The following LDLRAD4 variants were observed in gnomAD, a reference collection of about 807,000 sequenced individuals.
LDLRAD4 encodes low-density lipoprotein receptor class A domain-containing protein 4.
A neutral mutation model predicts 17.0 loss-of-function variants in LDLRAD4; 5 were observed. The ratio of observed to expected loss-of-function variants is 0.29; its 90% CI spans 0.15 to 0.62. The LOEUF (loss-of-function observed/expected upper bound fraction) is 0.62. Among genes scored for constraint, LDLRAD4 ranks in the 20% least tolerant of loss-of-function variants. The probability of loss-of-function intolerance (pLI) is 0.84; values close to 1 mark genes in which losing one functional copy is unlikely to be tolerated. For synonymous variants in LDLRAD4, 168 were observed against 171.8 expected (o/e 0.98, Z 0.17); for missense variants, 340 against 424.7 (o/e 0.80, Z 1.75).
At chr18:13,326,322 T>A (rs57143461) in intron 1 of LDLRAD4, among the ~76,000 whole-genome samples, 2,367 of 152,230 alleles carry the variant, frequency 0.016, 31 homozygotes, top group African/African-American at 0.043. Context: ...TGTGAGACTC[T>A]AGTTAGTGCC....
At chr18:13,648,947 A>T (rs1427622253) in exon 6 of LDLRAD4, 2 of 152,220 alleles carry the variant, frequency 1.3e-5, no homozygotes, top group Non-Finnish European at 2.9e-5. Flanking sequence ...GAAGCAAATT[A>T]TGTATTTCAA....
intron 3 of LDLRAD4, chr18:13,522,464 C>A (rs957535935): frequency 1.3e-5 from 2 of 151,986 alleles, no homozygotes; most frequent in African/African-American, 2.4e-5. Context: ...AAGGGCTAGT[C>A]TGCATATCTC....
intron 1 of LDLRAD4, among the ~76,000 whole-genome samples, chr18:13,246,854 G>A (rs757275928): frequency 8.5e-5 from 13 of 152,136 alleles, no homozygotes; most frequent in Non-Finnish European, 1.8e-4. Context: ...CAGCCCTGCA[G>A]GTAGATCATG....
chr18:13,274,486 G>C (rs1434541395), upstream of LDLRAD4, among the ~76,000 whole-genome samples: 1 of 152,234 alleles, frequency 6.6e-6, no homozygotes, highest in Non-Finnish European at 1.5e-5. Flanking sequence ...TCGTGTCATG[G>C]AACTGCTGTT....
chr18:13,243,839 T>C (rs969559880), intron 1 of LDLRAD4, among the ~76,000 whole-genome samples: 4 of 144,262 alleles, frequency 2.8e-5, no homozygotes, highest in Non-Finnish European at 6.0e-5. Context: ...CATCCATCTA[T>C]CCACCATGTA....
At chr18:13,361,582 C>T (rs1490120677) in intron 1 of LDLRAD4, among the ~76,000 whole-genome samples, 1 of 152,156 alleles carries the variant, frequency 6.6e-6, no homozygotes, top group Admixed American at 6.5e-5. Flanking sequence ...TGTTCTCTTC[C>T]TGGGCCTCTT....
intron 2 of LDLRAD4, among the ~76,000 whole-genome samples, chr18:13,410,393 G>A (rs1233056606): frequency 6.6e-6 from 1 of 152,240 alleles, no homozygotes; most frequent in Non-Finnish European, 1.5e-5. Flanking sequence ...CACTGCAGCT[G>A]TCAGATGTAA....
intron 1 of LDLRAD4, among the ~76,000 whole-genome samples, chr18:13,259,171 C>T (rs2043668004): frequency 6.6e-6 from 1 of 152,070 alleles, no homozygotes; most frequent in Non-Finnish European, 1.5e-5. Flanking sequence ...CTTCCTTCGT[C>T]CTCCTCTCCC....
At chr18:13,479,235 A>C (rs561986710) in intron 3 of LDLRAD4, among the ~76,000 whole-genome samples, 16 of 152,364 alleles carry the variant, frequency 1.1e-4, no homozygotes, top group African/African-American at 3.8e-4. Context: ...TTTTAGATAT[A>C]ATACAAAAGG....
At chr18:13,357,841 C>A (rs1485426766) in intron 1 of LDLRAD4, among the ~76,000 whole-genome samples, 1 of 152,064 alleles carries the variant, frequency 6.6e-6, no homozygotes, top group Non-Finnish European at 1.5e-5. Flanking sequence ...CTTTTAGTTA[C>A]CAAGTTTCCC....
chr18:13,559,371 G>A (rs1045995546), intron 3 of LDLRAD4, among the ~76,000 whole-genome samples: 3 of 152,124 alleles, frequency 2.0e-5, no homozygotes, highest in Admixed American at 6.6e-5. Flanking sequence ...TGGCATTCAT[G>A]GAAAAGGTCT....
chr18:13,419,289 C>T (rs1015690715), intron 2 of LDLRAD4: 1 of 152,090 alleles, frequency 6.6e-6, no homozygotes, highest in Non-Finnish European at 1.5e-5. Flanking sequence ...CATATTGTGC[C>T]ATATAAATGA....
upstream of LDLRAD4, among the ~76,000 whole-genome samples, chr18:13,273,944 T>G (rs2044708183): frequency 1.3e-5 from 2 of 152,000 alleles, no homozygotes; most frequent in Admixed American, 6.5e-5. Context: ...AGGAGGTGGT[T>G]TAGGGTTAGT....
intron 3 of LDLRAD4, among the ~76,000 whole-genome samples, chr18:13,610,934 A>G (rs777385437): frequency 2.6e-5 from 4 of 152,068 alleles, no homozygotes; most frequent in Non-Finnish European, 4.4e-5. Context: ...TACCATCCGG[A>G]TTTCCCTCGC....
chr18:13,376,152 C>T (rs1301887061), intron 1 of LDLRAD4, among the ~76,000 whole-genome samples: 1 of 152,170 alleles, frequency 6.6e-6, no homozygotes, highest in Non-Finnish European at 1.5e-5. Context: ...TGCCTGTCCT[C>T]CCAGGCTGTG....
At chr18:13,444,992 G>A (rs936000727) in intron 3 of LDLRAD4, among the ~76,000 whole-genome samples, 1 of 152,162 alleles carries the variant, frequency 6.6e-6, no homozygotes, top group Non-Finnish European at 1.5e-5. Flanking sequence ...TGTTTAGACT[G>A]CCATAAACAC....
intron 3 of LDLRAD4, chr18:13,520,826 C>T (rs940752054): frequency 2.7e-5 from 4 of 148,552 alleles, no homozygotes; most frequent in Non-Finnish European, 5.9e-5. Context: ...GCACTTCAGC[C>T]TGGGCATCAG....
At chr18:13,539,435 T>G (rs929102725) in intron 3 of LDLRAD4, among the ~76,000 whole-genome samples, 2 of 152,230 alleles carry the variant, frequency 1.3e-5, no homozygotes, top group Non-Finnish European at 2.9e-5. Flanking sequence ...AGCTAGTATT[T>G]CTCTTTTGCC....
At chr18:13,602,685 T>G (rs2095178140) in intron 3 of LDLRAD4, among the ~76,000 whole-genome samples, 1 of 151,936 alleles carries the variant, frequency 6.6e-6, no homozygotes, top group Non-Finnish European at 1.5e-5. Flanking sequence ...TGACCTTAAG[T>G]GATCTGCCCA....
Sources: allele counts gnomAD v4.1 joint callset (sites outside exome capture counted in the v4.1 genomes callset), GRCh38; gene constraint gnomAD v4.1.1; transcripts MANE v1.5; gene names NCBI Gene and HGNC (gene_info 2026-07-23, HGNC 2026-07-21).